GPT2: variants seen among roughly 807,000 people sequenced by gnomAD.
The protein encoded by GPT2 is alanine aminotransferase 2.
Under a neutral mutation model 56.9 loss-of-function variants are expected in GPT2, and 30 were observed. The observed-to-expected ratio is 0.53, with a 90% confidence interval of 0.39 to 0.72. GPT2 has a LOEUF of 0.72. Ranked by LOEUF, GPT2 falls within the 30% of genes least tolerant of loss-of-function variation. The pLI is 0.00. For synonymous variants in GPT2, 271 were observed against 283.1 expected (o/e 0.96, Z 0.43); for missense variants, 542 against 703.4 (o/e 0.77, Z 2.60).
At chr16:46,902,904 G>T (rs1279007664) in intron 4 of GPT2, among the ~76,000 whole-genome samples, 1 of 152,012 alleles carries the variant, frequency 6.6e-6, no homozygotes, top group African/African-American at 2.4e-5. Flanking sequence ...GATTATAGGC[G>T]TGAGCCACCG....
chr16:46,885,016 G>A, intron 2 of GPT2, 58 bp downstream of exon 2: 1 of 1,407,370 alleles, frequency 7.1e-7, no homozygotes, highest in South Asian at 1.5e-5. Context: ...AAAAACCGCA[G>A]CAGCCCCAGC....
At chr16:46,901,716 A>G (rs985206913) in intron 4 of GPT2, among the ~76,000 whole-genome samples, 8 of 150,120 alleles carry the variant, frequency 5.3e-5, no homozygotes, top group Non-Finnish European at 1.2e-4. Context: ...CACCCCCGCC[A>G]ACTTTTTCTG....
intron 3 of GPT2, 28 bp from the exon 4 acceptor site, chr16:46,900,654 G>A: frequency 6.4e-7 from 1 of 1,571,944 alleles, no homozygotes; most frequent in Non-Finnish European, 8.8e-7. Context: ...GGGGTGCTGG[G>A]AGCTCAGCCT....
chr16:46,889,970 T>G (rs1960555934), intron 2 of GPT2, among the ~76,000 whole-genome samples: 1 of 152,036 alleles, frequency 6.6e-6, no homozygotes, highest in South Asian at 2.1e-4. Context: ...CTGTTTGGAG[T>G]TTATTCAGCT....
Position 46,894,262 on chromosome 16 carries a change from C to T in GPT2, c.244-3386C>T, listed in dbSNP as rs556715101. 2.2e-3 allele frequency among the ~76,000 whole-genome samples: 338 copies of T among 152,320 alleles called. 2 individuals carry two copies. Among genetic ancestry groups the T allele is most frequent in the Admixed American group, 4.4e-3 (68 of 15,306 alleles). On this transcript the variant is annotated intron_variant, in intron 2 of 11. Coordinates refer to ENST00000340124, the MANE Select transcript of GPT2 (RefSeq NM_133443.4). ...GGCTCTGTTCCAGGCGTTATTCTCT[C>T]CCTGTGTTGGGCTGGCCCAGGGCCC...
intron 2 of GPT2, among the ~76,000 whole-genome samples, chr16:46,891,653 G>C (rs1271236268): frequency 6.6e-6 from 1 of 152,062 alleles, no homozygotes; most frequent in Non-Finnish European, 1.5e-5. Flanking sequence ...CCGGGCAGTA[G>C]ATGTATTATT....
At chr16:46,912,111 G>T (rs1214107326) in intron 6 of GPT2, among the ~76,000 whole-genome samples, 1 of 152,194 alleles carries the variant, frequency 6.6e-6, no homozygotes. Context: ...CATATGTCTT[G>T]TCTGGACCAC....
chr16:46,885,857 T>G (rs1257476108), intron 2 of GPT2, among the ~76,000 whole-genome samples: 2 of 152,030 alleles, frequency 1.3e-5, no homozygotes, highest in African/African-American at 4.8e-5. Flanking sequence ...TCCTAAGATT[T>G]GTAAGAAGCT....
chr16:46,916,652 TAGA>T lies in GPT2; in HGVS notation c.849_851del (p.Glu283del). ...GGCCAGGTACAAAGCAGAAAGTGCA[TAGA>T]AGATGTGATCCACTTTGCCTGGGAA... On this transcript the variant is annotated inframe_deletion, in exon 7 of 12. Coordinates refer to ENST00000340124, the MANE Select transcript of GPT2 (RefSeq NM_133443.4). 6.2e-7 allele frequency: 1 copy of T among 1,613,944 alleles called. No individual in the cohort carries two copies. Among genetic ancestry groups the T allele is most frequent in the Non-Finnish European group, 8.5e-7 (1 of 1,179,830 alleles).
chr16:46,902,453 G>A (rs1173288588), intron 4 of GPT2, among the ~76,000 whole-genome samples: 4 of 152,230 alleles, frequency 2.6e-5, no homozygotes, highest in East Asian at 1.9e-4. Flanking sequence ...GTGGTCCTTC[G>A]CGTGACAGGG....
rs1421227100 is a variant in GPT2 at position 46,884,434 on chromosome 16, A to G, written c.-56A>G. The G allele has an allele frequency of 1.4e-5, 4 of 277,952 alleles. No individual in the cohort carries two copies. Among genetic ancestry groups the G allele is most frequent in the Non-Finnish European group, 2.7e-5 (4 of 150,000 alleles). 17.2% of individuals were successfully genotyped at this position (277,952 alleles called of 1,614,324 possible). ...GTAGCTGCTCCAGGCGCGCGAGCTA[A>G]CCGAGTGCGGCGAGGGCCTACCAGG... On this transcript the variant is annotated 5_prime_UTR_variant, in exon 1 of 12. It removes the in-frame stop codon of an upstream open reading frame in the 5' UTR. Coordinates refer to ENST00000340124, the MANE Select transcript of GPT2 (RefSeq NM_133443.4).
At chr16:46,885,877 C>T (rs761462011) in intron 2 of GPT2, among the ~76,000 whole-genome samples, 3 of 152,066 alleles carry the variant, frequency 2.0e-5, no homozygotes, top group Non-Finnish European at 4.4e-5. Context: ...TAATAATCAC[C>T]TAGCTGCTTG....
chr16:46,911,903 C>A (rs1376495386), intron 6 of GPT2, among the ~76,000 whole-genome samples: 2 of 152,204 alleles, frequency 1.3e-5, no homozygotes, highest in African/African-American at 2.4e-5. Flanking sequence ...GAGAAGAAGT[C>A]ATTGTACCAG....
At chr16:46,885,654 G>C (rs1960469265) in intron 2 of GPT2, 1 of 489,496 alleles carries the variant, frequency 2.0e-6, no homozygotes, top group Non-Finnish European at 2.6e-6. Context: ...GTGGTCGGCC[G>C]GCTGGCTAGG....
intron 10 of GPT2, 136 bp downstream of exon 10, chr16:46,924,680 G>A (rs750749990): frequency 8.2e-5 from 71 of 861,970 alleles, no homozygotes; most frequent in Non-Finnish European, 1.1e-4. Context: ...CGGCCAGAGG[G>A]TGTTGACCGT....
chr16:46,896,192 C>A (rs1231841476), intron 2 of GPT2, among the ~76,000 whole-genome samples: 3 of 152,228 alleles, frequency 2.0e-5, no homozygotes, highest in African/African-American at 7.2e-5. Flanking sequence ...GTCCTTGAAC[C>A]TGTTGTTGAC....
At chr16:46,917,359 A>G (rs1009222192) in intron 7 of GPT2, among the ~76,000 whole-genome samples, 13 of 152,148 alleles carry the variant, frequency 8.5e-5, no homozygotes, top group African/African-American at 2.9e-4. Flanking sequence ...GTGGGTTCCC[A>G]GTGGCAGAAA....
At chr16:46,896,452 C>CT (rs375141675) in intron 2 of GPT2, among the ~76,000 whole-genome samples, 169 of 144,922 alleles carry the variant, frequency 1.2e-3, no homozygotes, top group Middle Eastern at 3.6e-3. Context: ...ATCCCTGATG[C>CT]TTTTTTTTTT....
At chr16:46,923,895 A>G (rs926925980) in intron 9 of GPT2, 4 of 287,716 alleles carry the variant, frequency 1.4e-5, no homozygotes, top group African/African-American at 8.7e-5. Context: ...GTCCATACAG[A>G]CTGACAGGCA....
Sources: gnomAD v4.1 joint callset for allele counts (sites outside exome capture counted in the v4.1 genomes callset) on GRCh38, gnomAD v4.1.1 for gene constraint, MANE v1.5 for transcripts, NCBI Gene and HGNC (gene_info 2026-07-23, HGNC 2026-07-21) for gene names.